FBXL17: variants seen among roughly 807,000 people sequenced by gnomAD.
FBXL17 encodes the protein F-box and leucine rich repeat protein 17, also known as F-box/LRR-repeat protein 17.
A neutral mutation model predicts 66.2 loss-of-function variants in FBXL17; 22 were observed. That is an observed-to-expected ratio of 0.33 (90% confidence interval 0.24 to 0.47). The LOEUF is 0.47. Ranked by LOEUF, FBXL17 falls within the 20% of genes least tolerant of loss-of-function variation. FBXL17 has a pLI of 1.00. For synonymous variants in FBXL17, 474 were observed against 400.5 expected (o/e 1.18, Z -2.19); for missense variants, 878 against 948.2 (o/e 0.93, Z 0.97).
At chr5:108,201,371 A>G (rs181086160) in intron 5 of FBXL17, among the ~76,000 whole-genome samples, 8 of 152,286 alleles carry the variant, frequency 5.3e-5, no homozygotes, top group African/African-American at 1.9e-4. Flanking sequence ...AGACACAGGT[A>G]CTTCCCTGTG....
intron 6 of FBXL17, among the ~76,000 whole-genome samples, chr5:108,083,571 A>ATTTT (rs5870295): frequency 7.0e-6 from 1 of 142,382 alleles, no homozygotes; most frequent in Non-Finnish European, 1.5e-5. Context: ...TTTGTGGCTA[A>ATTTT]TTTTTTTTTT....
At chr5:108,080,914 T>C in intron 6 of FBXL17, among the ~76,000 whole-genome samples, 1 of 152,092 alleles carries the variant, frequency 6.6e-6, no homozygotes, top group Admixed American at 6.5e-5. Flanking sequence ...CCTAAAAAGG[T>C]GCCAGACTCT....
chr5:107,890,610 G>C (rs1380353755), intron 7 of FBXL17, among the ~76,000 whole-genome samples: 3 of 151,394 alleles, frequency 2.0e-5, no homozygotes, highest in Non-Finnish European at 4.4e-5. Flanking sequence ...GTTGCATTGA[G>C]CCAAGATCAC....
At chr5:108,160,556 T>A (rs965635687) in intron 6 of FBXL17, among the ~76,000 whole-genome samples, 1 of 152,184 alleles carries the variant, frequency 6.6e-6, no homozygotes. Context: ...AGAATAGTTT[T>A]TCATAAATTA....
At position 108,021,630 on chromosome 5, in the gene FBXL17, T is replaced by G. The variant is rs1383935733; in HGVS notation, c.1746-629A>C. 4.0e-5 allele frequency among the ~76,000 whole-genome samples: 6 copies of G among 151,694 alleles called. No individual in the cohort carries two copies. In the East Asian group the frequency reaches 1.2e-3, roughly 29 times the overall value. On this transcript the variant is annotated intron_variant, in intron 6 of 8. Coordinates refer to ENST00000542267, the MANE Select transcript of FBXL17 (RefSeq NM_001163315.3). ...TAGATACAGATATGTAAGACTGTCT[T>G]TTCTGGTTTCATTTAAGTTTCATTT...
chr5:107,937,090 G>A (rs1750934064), intron 7 of FBXL17, among the ~76,000 whole-genome samples: 1 of 151,786 alleles, frequency 6.6e-6, no homozygotes, highest in African/African-American at 2.4e-5. Flanking sequence ...AATTAAAAAA[G>A]AAAGTCAAGA....
intron 5 of FBXL17, among the ~76,000 whole-genome samples, chr5:108,186,745 G>C (rs1223789468): frequency 6.6e-6 from 1 of 150,526 alleles, no homozygotes; most frequent in Non-Finnish European, 1.5e-5. Flanking sequence ...CTCCAGCCTG[G>C]CAACAGAGTG....
chr5:108,280,096 T>C (rs1757643530), intron 4 of FBXL17, among the ~76,000 whole-genome samples: 1 of 152,156 alleles, frequency 6.6e-6, no homozygotes, highest in Non-Finnish European at 1.5e-5. Flanking sequence ...GCATGAGATT[T>C]AGACAACCAG....
At chr5:108,217,416 C>T (rs1278768158) in intron 5 of FBXL17, among the ~76,000 whole-genome samples, 1 of 151,990 alleles carries the variant, frequency 6.6e-6, no homozygotes, top group Non-Finnish European at 1.5e-5. Flanking sequence ...TTTTCTCAAC[C>T]CTCTGAGCTG....
Position 108,214,671 on chromosome 5 carries a change from G to A in FBXL17, c.1614+9450C>T, listed in dbSNP as rs1002728927. ...AGGCACGAGCCACCGCACCTGGCCC[G>A]ATTTATTAATTTTGATCAGGCTTTT... On this transcript the variant is annotated intron_variant, in intron 5 of 8. Coordinates refer to ENST00000542267, the MANE Select transcript of FBXL17 (RefSeq NM_001163315.3). Among the ~76,000 whole-genome samples, 27 of 152,030 alleles carry A rather than the reference G, an allele frequency of 1.8e-4. No individual in the cohort carries two copies. The East Asian group carries it at 2.7e-3, about 15-fold the overall frequency.
In FBXL17 at chr5:108,160,162, G is replaced by A. The variant is rs145879794; in HGVS notation, c.1745+25955C>T. Among the ~76,000 whole-genome samples the A allele has an allele frequency of 8.5e-5, 13 of 152,274 alleles. No individual in the cohort carries two copies. In the East Asian group the frequency reaches 1.9e-3, roughly 23 times the overall value. On this transcript the variant is annotated intron_variant, in intron 6 of 8. Transcript: ENST00000542267. ...AAACCCAGATCTTAAAATTTATGATGAGCCACAATGAAAAGACATACAGTT... is the reference window on the plus strand; with the variant it reads ...AAACCCAGATCTTAAAATTTATGATAAGCCACAATGAAAAGACATACAGTT...
chr5:108,367,080 T>C (rs946937580), intron 2 of FBXL17, among the ~76,000 whole-genome samples: 5 of 152,116 alleles, frequency 3.3e-5, no homozygotes, highest in African/African-American at 7.2e-5. Flanking sequence ...TAAACATTTA[T>C]CAGCACACTA....
intron 6 of FBXL17, among the ~76,000 whole-genome samples, chr5:108,123,742 C>A (rs557178469): frequency 2.0e-4 from 31 of 151,824 alleles, no homozygotes; most frequent in African/African-American, 6.3e-4. Flanking sequence ...GGAGCACACA[C>A]AAAAAAAATC....
intron 4 of FBXL17, among the ~76,000 whole-genome samples, chr5:108,272,541 G>A (rs1561499824): frequency 6.6e-6 from 1 of 151,776 alleles, no homozygotes; most frequent in African/African-American, 2.4e-5. Context: ...TTTTAGTAGA[G>A]ACAGGTTTCA....
intron 3 of FBXL17, among the ~76,000 whole-genome samples, chr5:108,356,902 G>C (rs1157217789): frequency 6.6e-6 from 1 of 152,026 alleles, no homozygotes; most frequent in Non-Finnish European, 1.5e-5. Context: ...GATAATGGGA[G>C]GGGCTATGCA....
chr5:108,126,651 C>CTATATATATATATATACATATATATA (rs1165177851), intron 6 of FBXL17, among the ~76,000 whole-genome samples: 1 of 108,042 alleles, frequency 9.3e-6, no homozygotes, highest in African/African-American at 3.1e-5. Context: ...CTCTCTCTCT[C>CTATATATATATATATACATATATATA]TATATATATA....
chr5:108,000,281 C>A (rs116170372), intron 7 of FBXL17, among the ~76,000 whole-genome samples: 1 of 152,148 alleles, frequency 6.6e-6, no homozygotes, highest in Non-Finnish European at 1.5e-5. Flanking sequence ...GCTTCTTATA[C>A]GCATACTGCT....
intron 4 of FBXL17, among the ~76,000 whole-genome samples, chr5:108,328,014 C>T (rs578008512): frequency 2.6e-5 from 4 of 152,212 alleles, no homozygotes; most frequent in African/African-American, 9.6e-5. Context: ...AAGGAACCTG[C>T]AATTTGTAAA....
At chr5:107,967,614 G>A (rs1752202219) in intron 7 of FBXL17, among the ~76,000 whole-genome samples, 1 of 151,212 alleles carries the variant, frequency 6.6e-6, no homozygotes, top group African/African-American at 2.4e-5. Flanking sequence ...ACACCAACAC[G>A]GTGCATGTAT....
Sources: allele counts gnomAD v4.1 joint callset (sites outside exome capture counted in the v4.1 genomes callset), GRCh38; gene constraint gnomAD v4.1.1; transcripts MANE v1.5; gene names NCBI Gene and HGNC (gene_info 2026-07-23, HGNC 2026-07-21).